Variants in CUL3 observed in about 807,000 individuals in gnomAD.
CUL3 encodes cullin-3.
In CUL3, 19 loss-of-function variants were observed where a neutral mutation model predicts 89.1. The observed-to-expected ratio is 0.21, with a 90% CI of 0.15 to 0.31. The LOEUF is 0.31. CUL3 is among the 10% of genes least tolerant of loss of function. The pLI is 1.00. For missense variants in CUL3, 469 were observed against 942.3 expected, an observed-to-expected ratio of 0.50 and a Z score of 6.58; for synonymous variants, 351 against 308.4, an observed-to-expected ratio of 1.14 and a Z score of -1.45.
chr2:224,573,342 T>C (rs1695229042), intron 1 of CUL3, among the ~76,000 whole-genome samples: 1 of 152,236 alleles, frequency 6.6e-6, no homozygotes, highest in Non-Finnish European at 1.5e-5. Flanking sequence ...TGTTAACTCA[T>C]AAATAGGTCA....
At chr2:224,541,773 T>C (rs558351860) in intron 2 of CUL3, among the ~76,000 whole-genome samples, 2 of 152,204 alleles carry the variant, frequency 1.3e-5, no homozygotes, top group African/African-American at 4.8e-5. Context: ...AAAATAATTA[T>C]GCTGAATGAA....
At chr2:224,502,850 T>C in intron 10 of CUL3, 115 bp downstream of exon 10, 3 of 705,732 alleles carry the variant, frequency 4.3e-6, no homozygotes, top group Non-Finnish European at 7.4e-6. Flanking sequence ...ATAAAACACA[T>C]GTTGTCACTA....
At position 224,471,415 on chromosome 2, in the gene CUL3, A is replaced by G; in HGVS notation, c.*2830T>C. Reference sequence around the variant, plus strand: ...ATATTTAGAAACCTAAGATGATGCCAGTGTACTAGTCTTCTAGAGATGTAG... The same window carrying G: ...ATATTTAGAAACCTAAGATGATGCCGGTGTACTAGTCTTCTAGAGATGTAG... On this transcript the variant is annotated 3_prime_UTR_variant, in exon 16 of 16. Transcript: ENST00000264414. 5.0e-6 allele frequency: 1 copy of G among 198,880 alleles called. No individual in the cohort carries two copies. Among genetic ancestry groups the G allele is most frequent in the East Asian group, 7.9e-5 (1 of 12,678 alleles). The allele number at this position is 198,880 out of a possible 1,614,324, so 12.3% of individuals were successfully genotyped here. A position where few individuals can be genotyped will look rare whatever the true frequency, so the allele number is the denominator to read the frequency against.
chr2:224,553,521 A>G (rs951674449), intron 2 of CUL3, among the ~76,000 whole-genome samples: 2 of 152,232 alleles, frequency 1.3e-5, no homozygotes, highest in Non-Finnish European at 2.9e-5. Flanking sequence ...AAAACTGCCT[A>G]TATTCTGAAA....
chr2:224,484,544 G>GTA (rs1330180072), intron 13 of CUL3, among the ~76,000 whole-genome samples: 1 of 151,840 alleles, frequency 6.6e-6, no homozygotes, highest in African/African-American at 2.4e-5. Flanking sequence ...TTAACTTAAT[G>GTA]TATCTCATCA....
At chr2:224,521,627 C>T (rs1693268341) in intron 3 of CUL3, among the ~76,000 whole-genome samples, 1 of 151,948 alleles carries the variant, frequency 6.6e-6, no homozygotes, top group African/African-American at 2.4e-5. Context: ...GTTGGGGTTT[C>T]ACCATGTTGG....
intron 3 of CUL3, among the ~76,000 whole-genome samples, chr2:224,530,704 C>A (rs567821670): frequency 6.6e-6 from 1 of 152,012 alleles, no homozygotes; most frequent in Admixed American, 6.6e-5. Context: ...CCCAGGAGTT[C>A]GAGACCAGCC....
intron 3 of CUL3, among the ~76,000 whole-genome samples, chr2:224,520,484 T>C (rs1693221564): frequency 6.6e-6 from 1 of 152,230 alleles, no homozygotes; most frequent in Admixed American, 6.5e-5. Flanking sequence ...ATTCCACTCA[T>C]TTCCACTTCT....
At chr2:224,497,051 T>C (rs931927386) in intron 12 of CUL3, among the ~76,000 whole-genome samples, 2 of 152,186 alleles carry the variant, frequency 1.3e-5, no homozygotes, top group African/African-American at 4.8e-5. Flanking sequence ...TTTTCAGCAA[T>C]ACTTAATCTG....
intron 12 of CUL3, among the ~76,000 whole-genome samples, chr2:224,497,231 T>A (rs1308596998): frequency 6.6e-6 from 1 of 152,178 alleles, no homozygotes; most frequent in Admixed American, 6.5e-5. Flanking sequence ...AATAAATTAT[T>A]ACTCTAAACC....
At chr2:224,535,001 A>AAAATAAATAAAT (rs201253756) in intron 3 of CUL3, among the ~76,000 whole-genome samples, 132 of 133,168 alleles carry the variant, frequency 9.9e-4, no homozygotes, top group Non-Finnish European at 1.4e-3. Context: ...ACCCCGTCTC[A>AAAATAAATAAAT]AAATAAATAA....
chr2:224,481,831 A>AT, intron 14 of CUL3, 61 bp downstream of exon 14: 27 of 1,195,540 alleles, frequency 2.3e-5, no homozygotes, highest in South Asian at 6.3e-5. Flanking sequence ...AATAGATGAG[A>AT]TTTTTTTTCT....
intron 1 of CUL3, among the ~76,000 whole-genome samples, chr2:224,560,262 GTTTT>G (rs1169468235): frequency 1.3e-5 from 2 of 150,860 alleles, no homozygotes; most frequent in Non-Finnish European, 3.0e-5. Context: ...CTCAGTTTTT[GTTTT>G]TTGTTTTTTT....
intron 1 of CUL3, among the ~76,000 whole-genome samples, chr2:224,578,121 T>C (rs1326212073): frequency 6.6e-6 from 1 of 152,196 alleles, no homozygotes; most frequent in African/African-American, 2.4e-5. Context: ...TTAGGTAATA[T>C]ATTTCAGTTA....
At chr2:224,584,570 C>A (rs1338874281) in intron 1 of CUL3, among the ~76,000 whole-genome samples, 1 of 151,994 alleles carries the variant, frequency 6.6e-6, no homozygotes, top group Admixed American at 6.5e-5. Flanking sequence ...TCCACACACG[C>A]CCCACACAGG....
At chr2:224,572,327 T>G (rs1695198515) in intron 1 of CUL3, among the ~76,000 whole-genome samples, 1 of 152,070 alleles carries the variant, frequency 6.6e-6, no homozygotes, top group Non-Finnish European at 1.5e-5. Context: ...ATGTTGAAAT[T>G]TAATCATCAA....
chr2:224,565,430 G>A (rs1695020160), intron 1 of CUL3, among the ~76,000 whole-genome samples: 1 of 152,144 alleles, frequency 6.6e-6, no homozygotes. Flanking sequence ...AAGGGAGGCA[G>A]GAGAGGGAGC....
chr2:224,500,498 C>G lies in CUL3; in HGVS notation c.1486-11G>C, dbSNP rs779356871. The G allele has an allele frequency of 1.1e-5, 17 of 1,612,860 alleles. No homozygotes were observed. Among genetic ancestry groups the G allele is most frequent in the Admixed American group, 3.3e-5 (2 of 59,936 alleles). Reference sequence around the variant, plus strand: ...ACCACCTAAAGATACCTATGTAAAACAGAAAGAGATATTCCCCTCAAAATT... The same window carrying G: ...ACCACCTAAAGATACCTATGTAAAAGAGAAAGAGATATTCCCCTCAAAATT... On this transcript the variant is annotated splice_polypyrimidine_tract_variant and intron_variant, in intron 10 of 15. Coordinates refer to ENST00000264414, the MANE Select transcript of CUL3 (RefSeq NM_003590.5).
chr2:224,546,749 T>A (rs1269916436), intron 2 of CUL3, among the ~76,000 whole-genome samples: 1 of 152,156 alleles, frequency 6.6e-6, no homozygotes, highest in Non-Finnish European at 1.5e-5. Flanking sequence ...GCAAACTTGT[T>A]AAAACAACAC....
Sources: gnomAD v4.1 joint callset for allele counts (sites outside exome capture counted in the v4.1 genomes callset) on GRCh38, gnomAD v4.1.1 for gene constraint, MANE v1.5 for transcripts, NCBI Gene and HGNC (gene_info 2026-07-23, HGNC 2026-07-21) for gene names.